SDK2: variants seen among roughly 807,000 people sequenced by gnomAD.
SDK2 encodes the protein protein sidekick-2.
Under a neutral mutation model 253.9 loss-of-function variants are expected in SDK2, and 105 were observed. That is an observed-to-expected ratio of 0.41 (90% CI 0.35 to 0.49). The LOEUF (loss-of-function observed/expected upper bound fraction) is 0.49, where lower values mean the gene tolerates loss of function less well. Among genes scored for constraint, SDK2 ranks in the 20% least tolerant of loss-of-function variants. The pLI is 0.06. For missense variants in SDK2, 2,608 were observed against 3,003.0 expected, an observed-to-expected ratio of 0.87 and a Z score of 3.07; for synonymous variants, 1,249 against 1,234.9, an observed-to-expected ratio of 1.01 and a Z score of -0.24.
chr17:73,459,124 C>T (rs1015112369), intron 3 of SDK2, among the ~76,000 whole-genome samples: 3 of 152,190 alleles, frequency 2.0e-5, no homozygotes, highest in Non-Finnish European at 2.9e-5. Flanking sequence ...TCCCTGCCCC[C>T]ACCAAGCCTT....
chr17:73,435,364 A>C lies in SDK2; in HGVS notation c.1195+86T>G. ...ATCTGCTTAATGGAACGTGCTATGC[A>C]CAAGAGGCCCCTCGGAAGACCTTGG... On this transcript the variant is annotated intron_variant, in intron 9 of 44. Transcript: ENST00000392650. This position sits in a 1 kb window ranked among gnomAD's most constrained non-coding sequence, Gnocchi z 5.7. 2 of 1,344,028 alleles carry C rather than the reference A, an allele frequency of 1.5e-6. No individual in the cohort carries two copies. Among genetic ancestry groups the C allele is most frequent in the Non-Finnish European group, 1.0e-6 (1 of 987,738 alleles). 83.3% of individuals were successfully genotyped at this position (1,344,028 alleles called of 1,614,324 possible).
Position 73,431,785 on chromosome 17 carries a change from G to T in SDK2, c.1313-116C>A. On this transcript the variant is annotated intron_variant, in intron 10 of 44. Coordinates refer to ENST00000392650, the MANE Select transcript of SDK2 (RefSeq NM_001144952.2). This position sits in a 1 kb window ranked among gnomAD's most constrained non-coding sequence, Gnocchi z 5.6. ...ACAGGCCCCTGGCTCTGGAAATGCT[G>T]GAAGGAATGAGGACAGATGGCGGTG... 1 of 1,144,904 alleles carries T rather than the reference G, an allele frequency of 8.7e-7. No homozygotes were observed. Among genetic ancestry groups the T allele is most frequent in the Non-Finnish European group, 1.2e-6 (1 of 838,476 alleles). The allele number at this position is 1,144,904 out of a possible 1,614,324, so 70.9% of individuals were successfully genotyped here. A position where few individuals can be genotyped will look rare whatever the true frequency, so the allele number is the denominator to read the frequency against.
chr17:73,355,935 A>G (rs1448800305), intron 40 of SDK2, among the ~76,000 whole-genome samples: 1 of 152,186 alleles, frequency 6.6e-6, no homozygotes, highest in African/African-American at 2.4e-5. Flanking sequence ...GAATGATATC[A>G]TAATGATGAT....
chr17:73,428,965 A>C (rs931957069), intron 12 of SDK2, among the ~76,000 whole-genome samples: 3 of 152,206 alleles, frequency 2.0e-5, no homozygotes, highest in Non-Finnish European at 4.4e-5. Flanking sequence ...TCTGACCTGC[A>C]GTTCACTGGA....
At chr17:73,410,123 C>A (rs1263836464) in intron 18 of SDK2, among the ~76,000 whole-genome samples, 1 of 152,014 alleles carries the variant, frequency 6.6e-6, no homozygotes, top group East Asian at 1.9e-4. Flanking sequence ...CAAAGTGTTG[C>A]GATTCCAGGC....
At chr17:73,563,089 T>C (rs1433869603) in intron 1 of SDK2, among the ~76,000 whole-genome samples, 1 of 152,208 alleles carries the variant, frequency 6.6e-6, no homozygotes, top group African/African-American at 2.4e-5. Flanking sequence ...CTCGGGCCAT[T>C]GCTGGCGAGG....
intron 1 of SDK2, among the ~76,000 whole-genome samples, chr17:73,614,826 A>C (rs2046032208): frequency 7.2e-6 from 1 of 138,616 alleles, no homozygotes; most frequent in Non-Finnish European, 1.5e-5. Context: ...AAGGATTGAA[A>C]AGGCGGAGGG....
chr17:73,606,004 C>T (rs574660385), intron 1 of SDK2, among the ~76,000 whole-genome samples: 10 of 152,104 alleles, frequency 6.6e-5, no homozygotes, highest in African/African-American at 2.4e-4. Context: ...AAAAAAAACC[C>T]CACTCATACC....
rs368894630 is a variant in SDK2, at chr17:73,396,084, C to T, written c.3355-692G>A. ...GCTAAGTTTTGTAGAGACGAGGTTTCGCCATGTTGATCTCAAACTCCTCAG... is the reference window on the plus strand; with the variant it reads ...GCTAAGTTTTGTAGAGACGAGGTTTTGCCATGTTGATCTCAAACTCCTCAG... On this transcript the variant is annotated intron_variant, in intron 24 of 44. Coordinates refer to ENST00000392650, the MANE Select transcript of SDK2 (RefSeq NM_001144952.2). 4.3e-4 allele frequency among the ~76,000 whole-genome samples: 66 copies of T among 152,192 alleles called. 1 individual carries two copies. The highest frequency in any genetic ancestry group is 1.7e-3 in the East Asian group (9 of 5,170).
At chr17:73,425,621 G>C (rs1457222888) in intron 12 of SDK2, among the ~76,000 whole-genome samples, 1 of 151,844 alleles carries the variant, frequency 6.6e-6, no homozygotes, top group Non-Finnish European at 1.5e-5. Flanking sequence ...GATTTTCGTG[G>C]CTCAGCCTCC....
intron 12 of SDK2, among the ~76,000 whole-genome samples, chr17:73,425,460 C>A (rs2063273899): frequency 6.6e-6 from 1 of 152,312 alleles, no homozygotes; most frequent in Middle Eastern, 3.4e-3. Flanking sequence ...AGGCCAAATG[C>A]TGGCTTTGCT....
intron 10 of SDK2, among the ~76,000 whole-genome samples, chr17:73,433,072 T>C (rs1023257252): frequency 1.3e-5 from 2 of 152,122 alleles, no homozygotes; most frequent in African/African-American, 4.8e-5. Flanking sequence ...CACCTATCGT[T>C]TCCTGGGCTT....
intron 33 of SDK2, among the ~76,000 whole-genome samples, chr17:73,382,635 C>T (rs1402654067): frequency 2.0e-5 from 3 of 152,262 alleles, no homozygotes; most frequent in Non-Finnish European, 4.4e-5. Flanking sequence ...CCTTAACTGT[C>T]GTAAATGCAC....
At chr17:73,419,057 G>C (rs2063205897) in intron 16 of SDK2, 109 bp downstream of exon 16, 2 of 1,256,988 alleles carry the variant, frequency 1.6e-6, no homozygotes, top group African/African-American at 1.5e-5. Context: ...GTCCTTCCTA[G>C]ATGGCGAAGG....
chr17:73,470,027 C>CACAT lies in SDK2; in HGVS notation c.331+2084_331+2085insATGT, dbSNP rs1304880554. Among the ~76,000 whole-genome samples, 26 of 151,530 alleles carry CACAT rather than the reference C, an allele frequency of 1.7e-4. No homozygotes were observed. In the East Asian group the frequency reaches 4.9e-3, roughly 28 times the overall value. ...ACACACACACACACACACACACACACACACACAGAGGTTCTGGCCCACACA... is the reference window on the plus strand; with the variant it reads ...ACACACACACACACACACACACACACACATACACACAGAGGTTCTGGCCCACACA... On this transcript the variant is annotated intron_variant, in intron 3 of 44. Transcript: ENST00000392650.
At position 73,431,688 on chromosome 17, in the gene SDK2, G is replaced by T; in HGVS notation, c.1313-19C>A. On this transcript the variant is annotated intron_variant, in intron 10 of 44. Transcript: ENST00000392650. The surrounding 1 kb of genome is among the most constrained non-coding windows in gnomAD (Gnocchi z 5.6). The stretch of plus-strand genomic sequence containing the variant: ...CGCTCCCCTGAGGGCAAAACAGGGT[G>T]GGGGTCAGCCTGTAGCCCCCAAGGG... The T allele has an allele frequency of 1.3e-6, 2 of 1,589,586 alleles. No homozygotes were observed.
Position 73,336,805 on chromosome 17 carries a change from G to A in SDK2, c.*1782C>T, listed in dbSNP as rs977255953. The A allele has an allele frequency of 2.0e-5, 3 of 152,794 alleles. No homozygotes were observed. The highest frequency in any genetic ancestry group is 1.3e-4 in the Admixed American group (2 of 15,302). The allele number at this position is 152,794 out of a possible 1,614,324, so 9.5% of individuals were successfully genotyped here. On this transcript the variant is annotated 3_prime_UTR_variant, in exon 45 of 45. Transcript: ENST00000392650. ...GTGCACAGAGGGAGCCCTGCTCCAC[G>A]AAGGGGCTCACGCTGAATCAGACAG...
rs1465476685 is a variant in SDK2 at position 73,483,703 on chromosome 17, ATATATTT to A, written c.225-11492_225-11486del. ...TATATTTATATATATATATATATATATATATTTTTTTTTTTTTTTAGTAGAGTTGGGG... is the reference window on the plus strand; with the variant it reads ...TATATTTATATATATATATATATATATTTTTTTTTTTTAGTAGAGTTGGGG... On this transcript the variant is annotated intron_variant, in intron 2 of 44. Coordinates refer to ENST00000392650, the MANE Select transcript of SDK2 (RefSeq NM_001144952.2). 9.5e-4 allele frequency among the ~76,000 whole-genome samples: 57 copies of A among 60,224 alleles called. 1 individual carries two copies. The highest frequency in any genetic ancestry group is 4.3e-3 in the African/African-American group (53 of 12,358). 39.5% of individuals were successfully genotyped at this position (60,224 alleles called of 152,430 possible). A position where few individuals can be genotyped will look rare whatever the true frequency, so the allele number is the denominator to read the frequency against.
At chr17:73,557,659 CTCTCTT>C (rs770457589) in intron 1 of SDK2, among the ~76,000 whole-genome samples, 1 of 152,104 alleles carries the variant, frequency 6.6e-6, no homozygotes, top group Non-Finnish European at 1.5e-5. Context: ...CCTCCTCTCT[CTCTCTT>C]TCTCTCTTAC....
Sources: gnomAD v4.1 joint callset for allele counts (sites outside exome capture counted in the v4.1 genomes callset) on GRCh38, gnomAD v4.1.1 for gene constraint, Gnocchi (gnomAD v3.1) non-coding constraint, MANE v1.5 for transcripts, NCBI Gene and HGNC (gene_info 2026-07-23, HGNC 2026-07-21) for gene names.